Variants in GJD2 observed in about 807,000 individuals in gnomAD.
The protein encoded by GJD2 is gap junction protein delta 2.
GJD2 carries 12 observed loss-of-function variants against 24.3 expected under a neutral mutation model. The observed-to-expected ratio is 0.49, with a 90% CI of 0.32 to 0.80. The LOEUF (loss-of-function observed/expected upper bound fraction) is 0.80. Among genes scored for constraint, GJD2 ranks in the 30% least tolerant of loss-of-function variants. The pLI is 0.04. For synonymous variants in GJD2, 171 were observed against 155.2 expected (o/e 1.10, Z -0.76); for missense variants, 268 against 402.4 (o/e 0.67, Z 2.86).
chr15:34,752,234 AAAG>A lies in GJD2; in HGVS notation c.*241_*243del. On this transcript the variant is annotated 3_prime_UTR_variant, in exon 2 of 2. Transcript: ENST00000290374. ...GCTAGGCCATAAACAGAAAGGGACC[AAAG>A]AAGTCTAATTGATCCATTTCATCAC... The A allele has an allele frequency of 1.9e-6, 1 of 537,626 alleles. No individual in the cohort carries two copies. The highest frequency in any genetic ancestry group is 3.3e-6 in the Non-Finnish European group (1 of 300,096). 33.3% of individuals were successfully genotyped at this position (537,626 alleles called of 1,614,324 possible). A position where few individuals can be genotyped will look rare whatever the true frequency, so the allele number is the denominator to read the frequency against.
At position 34,751,231 on chromosome 15, in the gene GJD2, A is replaced by C. The variant is rs1411292030; in HGVS notation, c.*1247T>G. Reference sequence around the variant, plus strand: ...TATGAAAGGTACAGTATGGCACTTAAATAAATAAGAGCAAAAAGAAGAAAA... The same window carrying C: ...TATGAAAGGTACAGTATGGCACTTACATAAATAAGAGCAAAAAGAAGAAAA... On this transcript the variant is annotated 3_prime_UTR_variant, in exon 2 of 2. Transcript: ENST00000290374. 6.6e-6 allele frequency: 1 copy of C among 152,256 alleles called. No homozygotes were observed. Among genetic ancestry groups the C allele is most frequent in the African/African-American group, 2.4e-5 (1 of 41,472 alleles). The allele number at this position is 152,256 out of a possible 1,614,324, so 9.4% of individuals were successfully genotyped here.
Position 34,752,403 on chromosome 15 carries a change from G to T in GJD2, c.*75C>A. ...GGTGAGGGTCACATAAATGAGGGTGGATACAGCCACGTCTGAGCAGTCATC... is the reference window on the plus strand; with the variant it reads ...GGTGAGGGTCACATAAATGAGGGTGTATACAGCCACGTCTGAGCAGTCATC... On this transcript the variant is annotated 3_prime_UTR_variant, in exon 2 of 2. Transcript: ENST00000290374. 8.2e-7 allele frequency: 1 copy of T among 1,217,830 alleles called. No individual in the cohort carries two copies. The highest frequency in any genetic ancestry group is 1.2e-6 in the Non-Finnish European group (1 of 854,702). The allele number at this position is 1,217,830 out of a possible 1,614,324, so 75.4% of individuals were successfully genotyped here.
Position 34,752,472 on chromosome 15 carries a change from G to T in GJD2, c.*6C>A. On this transcript the variant is annotated 3_prime_UTR_variant, in exon 2 of 2. Transcript: ENST00000290374. The stretch of plus-strand genomic sequence containing the variant: ...CATCCCCCAGACCTTCATGAAACCT[G>T]CCCTCTCACACATAGGCAGAGTCAC... 1.2e-6 allele frequency: 2 copies of T among 1,610,454 alleles called. No individual in the cohort carries two copies. Among genetic ancestry groups the T allele is most frequent in the Non-Finnish European group, 1.7e-6 (2 of 1,177,364 alleles).
Position 34,753,143 on chromosome 15 carries a change from A to G in GJD2, c.301T>C (p.Ser101Pro). ...TAGCGGCGTTCTCGCTGCTTGGCGG[A>G]CTGGTGCACAGAGTAGGTGATGAAG... ...LCFITYSVHQ[S>P]AKQRERRYST... Residue 101 changes from serine to proline, a missense_variant, in exon 2 of 2, where the codon TCC becomes CCC. Physicochemically the swap from Ser to Pro is moderately conservative, Grantham distance 74. Around this residue, in one of 3 missense-constraint regions of GJD2, gnomAD observed 87 missense variants for 77.8 expected, o/e 1.12. Transcript: ENST00000290374. 1 of 1,613,998 alleles carries G rather than the reference A, an allele frequency of 6.2e-7. No individual in the cohort carries two copies. Among genetic ancestry groups the G allele is most frequent in the Non-Finnish European group, 8.5e-7 (1 of 1,180,004 alleles).
Position 34,751,953 on chromosome 15 carries a change from TG to T in GJD2, c.*524del, listed in dbSNP as rs57925142. 16,153 of 45,268 alleles carry T rather than the reference TG, an allele frequency of 0.36. 6,026 individuals carry two copies. The highest frequency in any genetic ancestry group is 0.67 in the Middle Eastern group (39 of 58). 2.8% of individuals were successfully genotyped at this position (45,268 alleles called of 1,614,324 possible). ...TTAGGTCTAATGTAAGGCCAGATTC[TG>T]GAAAAAAAAAAAAAAAAAAAAAAAA... On this transcript the variant is annotated 3_prime_UTR_variant, in exon 2 of 2. Transcript: ENST00000290374.
At position 34,754,454 on chromosome 15, in the gene GJD2, T is replaced by TA; in HGVS notation, c.34_35insT (p.Glu12ValfsTer37). ...AGTGGAGTGCTGCTGCACCGCGGCT[T>TA]CTAGCAGCCTCTCCAAGATGGTCCA... On this transcript the variant is annotated frameshift_variant, in exon 1 of 2. Coordinates refer to ENST00000290374, the MANE Select transcript of GJD2 (RefSeq NM_020660.3). LOFTEE classifies it high-confidence loss of function. The surrounding 1 kb of genome is among the most constrained non-coding windows in gnomAD (Gnocchi z 5.9). 1 of 1,614,020 alleles carries TA rather than the reference T, an allele frequency of 6.2e-7. No individual in the cohort carries two copies. Among genetic ancestry groups the TA allele is most frequent in the Non-Finnish European group, 8.5e-7 (1 of 1,179,936 alleles).
Position 34,754,288 on chromosome 15 carries a change from T to C in GJD2, c.71+130A>G. The C allele has an allele frequency of 1.4e-6, 1 of 693,184 alleles. No homozygotes were observed. The highest frequency in any genetic ancestry group is 1.7e-5 in the South Asian group (1 of 59,602). 42.9% of individuals were successfully genotyped at this position (693,184 alleles called of 1,614,324 possible). ...CTCATCGCCGGGAACACCGGAGCCT[T>C]GACCTAGGACGATGGGGAGGAGGCA... On this transcript the variant is annotated intron_variant, in intron 1 of 1. Coordinates refer to ENST00000290374, the MANE Select transcript of GJD2 (RefSeq NM_020660.3). This position sits in a 1 kb window ranked among gnomAD's most constrained non-coding sequence, Gnocchi z 5.9.
rs998435636 is a variant in GJD2, at chr15:34,754,352, G to A, written c.71+66C>T. On this transcript the variant is annotated intron_variant, in intron 1 of 1. Transcript: ENST00000290374. The surrounding 1 kb of genome is among the most constrained non-coding windows in gnomAD (Gnocchi z 5.9). ...GGATTGGAGCGGGAGACTCAGTCCAGGTGTGAGAAGGGACTCCCGGGGGCC... is the reference window on the plus strand; with the variant it reads ...GGATTGGAGCGGGAGACTCAGTCCAAGTGTGAGAAGGGACTCCCGGGGGCC... 6 of 1,073,426 alleles carry A rather than the reference G, an allele frequency of 5.6e-6. No homozygotes were observed. The highest frequency in any genetic ancestry group is 3.1e-5 in the African/African-American group (2 of 64,804). The allele number at this position is 1,073,426 out of a possible 1,614,324, so 66.5% of individuals were successfully genotyped here.
Position 34,753,236 on chromosome 15 carries a change from C to A in GJD2, c.208G>T (p.Ala70Ser). 1 of 1,614,104 alleles carries A rather than the reference C, an allele frequency of 6.2e-7. No individual in the cohort carries two copies. Among genetic ancestry groups the A allele is most frequent in the Non-Finnish European group, 8.5e-7 (1 of 1,180,026 alleles). The change falls in exon 2 of 2, where the codon GCC becomes TCC. Residue 70 changes from alanine (A) to serine (S), a missense_variant. Physicochemically the swap from Ala to Ser is moderately conservative, Grantham distance 99 (BLOSUM62 1). Coordinates refer to ENST00000290374, the MANE Select transcript of GJD2 (RefSeq NM_020660.3). ...TAACGTATGTGGGAGATGGGGAAGG[C>A]GCGGTCATAGCAGGCCTGGTTACAG... is the stretch of plus-strand genomic sequence containing the variant. ...PGCNQACYDR[A>S]FPISHIRYWV...
chr15:34,752,372 C>A lies in GJD2; in HGVS notation c.*106G>T. On this transcript the variant is annotated 3_prime_UTR_variant, in exon 2 of 2. Transcript: ENST00000290374. ...TCTTTTATCCAGTCTTATCCTACATCTTAATGGTGAGGGTCACATAAATGA... is the reference window on the plus strand; with the variant it reads ...TCTTTTATCCAGTCTTATCCTACATATTAATGGTGAGGGTCACATAAATGA... The A allele has an allele frequency of 1.1e-6, 1 of 919,266 alleles. No individual in the cohort carries two copies. Among genetic ancestry groups the A allele is most frequent in the Non-Finnish European group, 1.7e-6 (1 of 604,976 alleles). 56.9% of individuals were successfully genotyped at this position (919,266 alleles called of 1,614,324 possible).
At position 34,754,063 on chromosome 15, in the gene GJD2, C is replaced by G. The variant is rs1271450031; in HGVS notation, c.71+355G>C. On this transcript the variant is annotated intron_variant, in intron 1 of 1. Transcript: ENST00000290374. The surrounding 1 kb of genome is among the most constrained non-coding windows in gnomAD (Gnocchi z 5.9). ...TGCCCTTTTCTGTCCAAATGCAATC[C>G]TGCCTTCTTTGTAGATTCTATTTAG... Among the ~76,000 whole-genome samples, 8 of 152,170 alleles carry G rather than the reference C, an allele frequency of 5.3e-5. 1 individual carries two copies. The highest frequency in any genetic ancestry group is 4.6e-4 in the Admixed American group (7 of 15,278).
Position 34,754,852 on chromosome 15 carries a change from C to G in GJD2, c.-364G>C, listed in dbSNP as rs1891161161. 1 of 209,956 alleles carries G rather than the reference C, an allele frequency of 4.8e-6. No homozygotes were observed. The highest frequency in any genetic ancestry group is 2.3e-5 in the African/African-American group (1 of 42,710). The allele number at this position is 209,956 out of a possible 1,614,324, so 13.0% of individuals were successfully genotyped here. A position where few individuals can be genotyped will look rare whatever the true frequency, so the allele number is the denominator to read the frequency against. ...GCCCGCCCAGGAGAAGTCTCAGCGCCGCTCTCCGCCGCAGGTTGGGGGCCA... is the reference window on the plus strand; with the variant it reads ...GCCCGCCCAGGAGAAGTCTCAGCGCGGCTCTCCGCCGCAGGTTGGGGGCCA... On this transcript the variant is annotated 5_prime_UTR_variant, in exon 1 of 2. Coordinates refer to ENST00000290374, the MANE Select transcript of GJD2 (RefSeq NM_020660.3). This position sits in a 1 kb window ranked among gnomAD's most constrained non-coding sequence, Gnocchi z 5.9.
In GJD2 at chr15:34,752,109, A is replaced by G. The variant is rs1258476864; in HGVS notation, c.*369T>C. 4.5e-6 allele frequency: 1 copy of G among 222,560 alleles called. No homozygotes were observed. The highest frequency in any genetic ancestry group is 2.2e-5 in the African/African-American group (1 of 44,822). The allele number at this position is 222,560 out of a possible 1,614,324, so 13.8% of individuals were successfully genotyped here. On this transcript the variant is annotated 3_prime_UTR_variant, in exon 2 of 2. Coordinates refer to ENST00000290374, the MANE Select transcript of GJD2 (RefSeq NM_020660.3). ...GGTTGAGATAGGTCACAAATTTTAT[A>G]TCAATGAAGTACTCAACTCACACCA...
Position 34,752,469 on chromosome 15 carries a change from C to T in GJD2, c.*9G>A, listed in dbSNP as rs955978248. 1.2e-6 allele frequency: 2 copies of T among 1,609,676 alleles called. No individual in the cohort carries two copies. The highest frequency in any genetic ancestry group is 2.2e-5 in the East Asian group (1 of 44,818). On this transcript the variant is annotated 3_prime_UTR_variant, in exon 2 of 2. Coordinates refer to ENST00000290374, the MANE Select transcript of GJD2 (RefSeq NM_020660.3). ...TGCCATCCCCCAGACCTTCATGAAA[C>T]CTGCCCTCTCACACATAGGCAGAGT...
At position 34,752,288 on chromosome 15, in the gene GJD2, A is replaced by C; in HGVS notation, c.*190T>G. The stretch of plus-strand genomic sequence containing the variant: ...TCTACCCAATCGTCTCTGTAGAACC[A>C]ATTAGGTGATATGTGAAAATGGGTC... On this transcript the variant is annotated 3_prime_UTR_variant, in exon 2 of 2. Coordinates refer to ENST00000290374, the MANE Select transcript of GJD2 (RefSeq NM_020660.3). The C allele has an allele frequency of 1.7e-6, 1 of 600,854 alleles. No individual in the cohort carries two copies. The highest frequency in any genetic ancestry group is 2.1e-5 in the South Asian group (1 of 48,418). 37.2% of individuals were successfully genotyped at this position (600,854 alleles called of 1,614,324 possible).
Position 34,752,138 on chromosome 15 carries a change from A to C in GJD2, c.*340T>G. ...ATGAAGTACTCAACTCACACCATTC[A>C]CCAGAATAAAGAGCTCAGCAGGGCT... On this transcript the variant is annotated 3_prime_UTR_variant, in exon 2 of 2. Transcript: ENST00000290374. 1 of 291,946 alleles carries C rather than the reference A, an allele frequency of 3.4e-6. No homozygotes were observed. Among genetic ancestry groups the C allele is most frequent in the Non-Finnish European group, 6.5e-6 (1 of 154,668 alleles). 18.1% of individuals were successfully genotyped at this position (291,946 alleles called of 1,614,324 possible). A position where few individuals can be genotyped will look rare whatever the true frequency, so the allele number is the denominator to read the frequency against.
Position 34,754,714 on chromosome 15 carries a change from G to T in GJD2, c.-226C>A, listed in dbSNP as rs903493339. 1.2e-5 allele frequency: 6 copies of T among 492,806 alleles called. No individual in the cohort carries two copies. The Admixed American group carries it at 1.4e-4, about 11-fold the overall frequency. The allele number at this position is 492,806 out of a possible 1,614,324, so 30.5% of individuals were successfully genotyped here. A position where few individuals can be genotyped will look rare whatever the true frequency, so the allele number is the denominator to read the frequency against. ...TCCCGACCGATGGGGCAGTTGGCGC[G>T]GTCTAGAGAGAGGGCACGAACCTCG... On this transcript the variant is annotated 5_prime_UTR_variant, in exon 1 of 2. Transcript: ENST00000290374. The surrounding 1 kb of genome is among the most constrained non-coding windows in gnomAD (Gnocchi z 5.9).
chr15:34,752,736 G>A lies in GJD2; in HGVS notation c.708C>T (p.Cys236=). ...PGLYECNRYP[C]IKEVECYVSR... is the part of the protein sequence containing the mutation. ...ACACATAACATTCCACCTCCTTGAT[G>A]CAGGGGTAGCGGTTACACTCATACA... is the stretch of plus-strand genomic sequence containing the variant. The change falls in exon 2 of 2, where the codon TGC becomes TGT. Residue 236 remains cysteine, a synonymous_variant. Transcript: ENST00000290374. The A allele has an allele frequency of 6.2e-7, 1 of 1,614,144 alleles. No homozygotes were observed. Among genetic ancestry groups the A allele is most frequent in the Non-Finnish European group, 8.5e-7 (1 of 1,180,020 alleles).
chr15:34,752,179 G>C lies in GJD2; in HGVS notation c.*299C>G, dbSNP rs1459854999. 1.0e-5 allele frequency: 4 copies of C among 384,518 alleles called. No individual in the cohort carries two copies. Among genetic ancestry groups the C allele is most frequent in the Non-Finnish European group, 1.9e-5 (4 of 210,266 alleles). 23.8% of individuals were successfully genotyped at this position (384,518 alleles called of 1,614,324 possible). A position where few individuals can be genotyped will look rare whatever the true frequency, so the allele number is the denominator to read the frequency against. ...CAGCAGGGCTAAGTCCTACTTGGTAGCTGTGCAAGTTCAGTGTTATCAGGA... is the reference window on the plus strand; with the variant it reads ...CAGCAGGGCTAAGTCCTACTTGGTACCTGTGCAAGTTCAGTGTTATCAGGA... On this transcript the variant is annotated 3_prime_UTR_variant, in exon 2 of 2. Coordinates refer to ENST00000290374, the MANE Select transcript of GJD2 (RefSeq NM_020660.3).
Sources: allele counts gnomAD v4.1 joint callset (sites outside exome capture counted in the v4.1 genomes callset), GRCh38; gene constraint gnomAD v4.1.1; regional missense constraint gnomAD v4.1.1; non-coding constraint Gnocchi (gnomAD v3.1); transcripts MANE v1.5; gene names NCBI Gene and HGNC (gene_info 2026-07-23, HGNC 2026-07-21).